The following SLC25A23 variants were observed in gnomAD, a reference collection of about 807,000 sequenced individuals.
SLC25A23 encodes the protein mitochondrial adenyl nucleotide antiporter SLC25A23.
In SLC25A23, 32 loss-of-function variants were observed where a neutral mutation model predicts 53.9. The ratio of observed to expected loss-of-function variants is 0.59; its 90% CI spans 0.45 to 0.80. SLC25A23 has a LOEUF of 0.80. SLC25A23 is among the 30% of genes least tolerant of loss of function. The pLI is 0.00. For missense variants in SLC25A23, 575 were observed against 651.4 expected, an observed-to-expected ratio of 0.88 and a Z score of 1.28; for synonymous variants, 275 against 264.5, an observed-to-expected ratio of 1.04 and a Z score of -0.38.
chr19:6,445,670 G>C (rs984775192), intron 8 of SLC25A23, among the ~76,000 whole-genome samples: 8 of 152,146 alleles, frequency 5.3e-5, no homozygotes, highest in Non-Finnish European at 1.0e-4. Context: ...CTCCAGAACT[G>C]TAAGGATATA....
Position 6,459,467 on chromosome 19 carries a change from G to A in SLC25A23, c.156+6C>T. The A allele has an allele frequency of 6.3e-7, 1 of 1,585,026 alleles. No homozygotes were observed. The highest frequency in any genetic ancestry group is 8.5e-7 in the Non-Finnish European group (1 of 1,172,882). On this transcript the variant is annotated splice_donor_region_variant and intron_variant, in intron 1 of 9. Coordinates refer to ENST00000301454, the MANE Select transcript of SLC25A23 (RefSeq NM_024103.3). This position sits in a 1 kb window ranked among gnomAD's most constrained non-coding sequence, Gnocchi z 4.6. ...GAGGGGAGGAGGTCCCTGGGGGTGG[G>A]GGTACCTGTTGGGCGCCGGGGTCTG...
rs192264229 is a variant in SLC25A23, at chr19:6,451,466, G to A, written c.1071+846C>T. Among the ~76,000 whole-genome samples the A allele has an allele frequency of 3.1e-3, 475 of 152,290 alleles. 8 individuals are homozygous for A. Among genetic ancestry groups the A allele is most frequent in the Admixed American group, 0.027 (409 of 15,282 alleles). ...GTTACACCAAGCACAGGGCCCTTCC[G>A]AGCATGGGGCTCTCTGCGACTTCAC... is the stretch of plus-strand genomic sequence containing the variant. On this transcript the variant is annotated intron_variant, in intron 8 of 9. Transcript: ENST00000301454.
downstream of SLC25A23, among the ~76,000 whole-genome samples, chr19:6,437,120 A>G (rs1388502407): frequency 2.0e-5 from 3 of 151,792 alleles, no homozygotes; most frequent in African/African-American, 7.3e-5. Flanking sequence ...TCATCCTCCC[A>G]TCTCAGCCTC....
Position 6,457,482 on chromosome 19 carries a change from T to C in SLC25A23, c.371+21A>G, listed in dbSNP as rs200037201. ...CACTGTGTCCTGAGTTACTTTGGAT[T>C]CCAGACCCCCAGCGACTCACCTGTG... On this transcript the variant is annotated intron_variant, in intron 3 of 9. Transcript: ENST00000301454. The C allele has an allele frequency of 8.1e-6, 13 of 1,610,560 alleles. No individual in the cohort carries two copies. The East Asian group carries it at 2.9e-4, about 36-fold the overall frequency.
intron 9 of SLC25A23, chr19:6,443,554 A>C: frequency 1.4e-6 from 1 of 702,106 alleles, no homozygotes; most frequent in Non-Finnish European, 2.6e-6. Context: ...ACAACCCTAA[A>C]TCAATACTTA....
chr19:6,452,618 T>C (rs1464957073), intron 7 of SLC25A23, 139 bp from the exon 8 acceptor site: 1 of 1,003,744 alleles, frequency 1.0e-6, no homozygotes, highest in Non-Finnish European at 1.4e-6. Flanking sequence ...TACTCTAGAA[T>C]CTTCTGCTAT....
In SLC25A23 at chr19:6,459,779, CG is replaced by C. The variant is rs1470838897; in HGVS notation, c.-152del. ...GCAGTCCGCTCGGCTCTGGCACTTG[CG>C]GGAGGTGGTGACGGCTAGCCGTCGC... On this transcript the variant is annotated 5_prime_UTR_variant, in exon 1 of 10. Transcript: ENST00000301454. This position sits in a 1 kb window ranked among gnomAD's most constrained non-coding sequence, Gnocchi z 4.6. The C allele has an allele frequency of 1.7e-6, 1 of 587,876 alleles. No individual in the cohort carries two copies. The highest frequency in any genetic ancestry group is 2.0e-5 in the African/African-American group (1 of 50,904). 36.4% of individuals were successfully genotyped at this position (587,876 alleles called of 1,614,324 possible). A position where few individuals can be genotyped will look rare whatever the true frequency, so the allele number is the denominator to read the frequency against.
intron 1 of SLC25A23, among the ~76,000 whole-genome samples, chr19:6,458,971 C>T (rs1194120015): frequency 1.3e-5 from 2 of 152,180 alleles, no homozygotes; most frequent in African/African-American, 4.8e-5. Context: ...TGCGGGTGAC[C>T]GCAGACAGGA....
At chr19:6,442,869 G>A (rs189859684) in intron 9 of SLC25A23, among the ~76,000 whole-genome samples, 23 of 151,294 alleles carry the variant, frequency 1.5e-4, no homozygotes, top group Non-Finnish European at 2.7e-4. Context: ...CTTAACCTCA[G>A]GTGATCCGCC....
At chr19:6,455,661 C>T (rs2092668623) in intron 4 of SLC25A23, among the ~76,000 whole-genome samples, 1 of 151,880 alleles carries the variant, frequency 6.6e-6, no homozygotes, top group Non-Finnish European at 1.5e-5. Context: ...AGAGCAAACC[C>T]CCACTACCCT....
Position 6,459,567 on chromosome 19 carries a change from A to C in SLC25A23, c.62T>G (p.Leu21Arg), listed in dbSNP as rs1386486089. 1.3e-6 allele frequency: 2 copies of C among 1,580,748 alleles called. No individual in the cohort carries two copies. Among genetic ancestry groups the C allele is most frequent in the Non-Finnish European group, 1.7e-6 (2 of 1,169,624 alleles). The change falls in exon 1 of 10, where the codon CTG becomes CGG. Residue 21 changes from leucine to arginine, a missense_variant. Transcript: ENST00000301454. The surrounding 1 kb of genome is among the most constrained non-coding windows in gnomAD (Gnocchi z 4.6). ...CACGCGGCCATCCTTGTTACTGTCCAGCTCCTCGAACAGGCGACCCCAGCG... is the reference window on the plus strand; with the variant it reads ...CACGCGGCCATCCTTGTTACTGTCCCGCTCCTCGAACAGGCGACCCCAGCG... ...RQRWGRLFEELDSNKDGRVDV... is the reference protein window; with the variant it reads ...RQRWGRLFEERDSNKDGRVDV...
At chr19:6,445,828 GA>G (rs1367796431) in intron 8 of SLC25A23, among the ~76,000 whole-genome samples, 8 of 152,056 alleles carry the variant, frequency 5.3e-5, no homozygotes, top group Non-Finnish European at 1.2e-4. Context: ...GAGGCAAGAG[GA>G]TCGTTTGAGC....
Position 6,454,797 on chromosome 19 carries a change from T to C in SLC25A23, c.484-80A>G. ...CTCAGTCCTAAATAGGGGAGTCTCC[T>C]CTATGAATCCTAGGATACCCTAGAG... On this transcript the variant is annotated intron_variant, in intron 4 of 9. Transcript: ENST00000301454. This position sits in a 1 kb window ranked among gnomAD's most constrained non-coding sequence, Gnocchi z 4.3. The C allele has an allele frequency of 3.3e-6, 5 of 1,502,990 alleles. No homozygotes were observed. Among genetic ancestry groups the C allele is most frequent in the Middle Eastern group, 2.1e-4 (1 of 4,812 alleles). 93.1% of individuals were successfully genotyped at this position (1,502,990 alleles called of 1,614,324 possible).
chr19:6,441,876 A>T lies in SLC25A23; in HGVS notation c.*99T>A. 8.8e-7 allele frequency: 1 copy of T among 1,139,388 alleles called. No individual in the cohort carries two copies. The highest frequency in any genetic ancestry group is 1.3e-6 in the Non-Finnish European group (1 of 782,462). The allele number at this position is 1,139,388 out of a possible 1,614,324, so 70.6% of individuals were successfully genotyped here. A position where few individuals can be genotyped will look rare whatever the true frequency, so the allele number is the denominator to read the frequency against. Reference sequence around the variant, plus strand: ...TAGGATCCAGGATCTGGGTACTGGGATCTCGTGGCCAAAGAGTAGGGATCC... The same window carrying T: ...TAGGATCCAGGATCTGGGTACTGGGTTCTCGTGGCCAAAGAGTAGGGATCC... On this transcript the variant is annotated 3_prime_UTR_variant, in exon 10 of 10. Transcript: ENST00000301454.
At chr19:6,451,918 C>T (rs1005203033) in intron 8 of SLC25A23, among the ~76,000 whole-genome samples, 7 of 149,436 alleles carry the variant, frequency 4.7e-5, no homozygotes, top group South Asian at 2.1e-4. Flanking sequence ...AGTGCAGTAG[C>T]GGGATGTTGG....
chr19:6,437,040 G>A (rs920788109), downstream of SLC25A23, among the ~76,000 whole-genome samples: 2 of 151,832 alleles, frequency 1.3e-5, no homozygotes, highest in Non-Finnish European at 2.9e-5. Context: ...GTAGAGACGG[G>A]GTTTCACCAT....
At chr19:6,446,662 G>A (rs571180879) in intron 8 of SLC25A23, among the ~76,000 whole-genome samples, 1 of 152,278 alleles carries the variant, frequency 6.6e-6, no homozygotes, top group South Asian at 2.1e-4. Flanking sequence ...GTCTTATGCT[G>A]CCTCCCACAG....
downstream of SLC25A23, among the ~76,000 whole-genome samples, chr19:6,439,229 T>C (rs2144728970): frequency 6.6e-6 from 1 of 151,746 alleles, no homozygotes; most frequent in East Asian, 2.0e-4. Context: ...CAAAAATAAA[T>C]TAGCTGGACA....
downstream of SLC25A23, among the ~76,000 whole-genome samples, chr19:6,437,862 G>C (rs1438295072): frequency 6.8e-6 from 1 of 146,978 alleles, no homozygotes; most frequent in Non-Finnish European, 1.5e-5. Flanking sequence ...CCAGCACTTT[G>C]GGAGGCATCC....
Sources: gnomAD v4.1 joint callset for allele counts (sites outside exome capture counted in the v4.1 genomes callset) on GRCh38, gnomAD v4.1.1 for gene constraint, Gnocchi (gnomAD v3.1) non-coding constraint, MANE v1.5 for transcripts, NCBI Gene and HGNC (gene_info 2026-07-23, HGNC 2026-07-21) for gene names.